The following EPC2 variants were observed in gnomAD, a reference collection of about 807,000 sequenced individuals.
EPC2 encodes the protein enhancer of polycomb homolog 2.
Under a neutral mutation model 92.1 loss-of-function variants are expected in EPC2, and 14 were observed. That is an observed-to-expected ratio of 0.15 (90% CI 0.10 to 0.24). The LOEUF is 0.24. Among genes scored for constraint, EPC2 ranks in the 10% least tolerant of loss-of-function variants. The probability of loss-of-function intolerance (pLI) is 1.00; values close to 1 mark genes in which losing one functional copy is unlikely to be tolerated. For missense variants in EPC2, 755 were observed against 971.5 expected (o/e 0.78, Z 2.96); for synonymous variants, 340 against 334.7 (o/e 1.02, Z -0.17).
intron 2 of EPC2, among the ~76,000 whole-genome samples, chr2:148,716,352 T>C (rs1372350176): frequency 6.6e-6 from 1 of 152,162 alleles, no homozygotes; most frequent in Non-Finnish European, 1.5e-5. Flanking sequence ...AGTATGTTAT[T>C]GGTGGGTTTG....
chr2:148,728,926 G>A (rs1682559114), intron 2 of EPC2, among the ~76,000 whole-genome samples: 1 of 151,126 alleles, frequency 6.6e-6, no homozygotes, highest in Non-Finnish European at 1.5e-5. Context: ...CAGCTACTCG[G>A]GAGGCTGAGG....
chr2:148,779,574 C>T (rs1683709443), intron 10 of EPC2, among the ~76,000 whole-genome samples: 1 of 152,158 alleles, frequency 6.6e-6, no homozygotes, highest in Admixed American at 6.6e-5. Flanking sequence ...TAGAGCAAGA[C>T]TCTGTCTCCA....
chr2:148,749,392 T>G (rs560051907), intron 3 of EPC2, among the ~76,000 whole-genome samples: 1 of 152,206 alleles, frequency 6.6e-6, no homozygotes, highest in East Asian at 1.9e-4. Flanking sequence ...AATAGAAACT[T>G]TGACTGATAC....
At chr2:148,669,284 T>TAAA (rs1306876564) in intron 1 of EPC2, among the ~76,000 whole-genome samples, 2 of 152,246 alleles carry the variant, frequency 1.3e-5, no homozygotes, top group African/African-American at 4.8e-5. Flanking sequence ...ATATTTTTAA[T>TAAA]GAGTCTCTTT....
At chr2:148,694,820 A>T (rs1005454360) in intron 2 of EPC2, among the ~76,000 whole-genome samples, 5 of 152,166 alleles carry the variant, frequency 3.3e-5, no homozygotes, top group African/African-American at 1.2e-4. Flanking sequence ...GCTGGAGTGC[A>T]GTGGTGCAAT....
intron 1 of EPC2, among the ~76,000 whole-genome samples, chr2:148,667,636 A>G (rs569653665): frequency 2.6e-5 from 4 of 152,072 alleles, no homozygotes; most frequent in Non-Finnish European, 5.9e-5. Context: ...TTGACTCCCC[A>G]CTGCCTTTCT....
At chr2:148,725,379 A>G (rs1219232020) in intron 2 of EPC2, among the ~76,000 whole-genome samples, 2 of 151,972 alleles carry the variant, frequency 1.3e-5, no homozygotes, top group Non-Finnish European at 2.9e-5. Context: ...TCTCTCTGTC[A>G]GCCTCTCTTT....
chr2:148,746,950 T>A (rs901859600), intron 3 of EPC2, among the ~76,000 whole-genome samples: 3 of 152,156 alleles, frequency 2.0e-5, no homozygotes, highest in Non-Finnish European at 4.4e-5. Flanking sequence ...CTTGTAAGTT[T>A]TCTAAATATT....
intron 1 of EPC2, among the ~76,000 whole-genome samples, chr2:148,678,650 A>G (rs1397911749): frequency 6.6e-6 from 1 of 152,256 alleles, no homozygotes; most frequent in Non-Finnish European, 1.5e-5. Flanking sequence ...CCGGGTGCTA[A>G]GCCCCTCATT....
At position 148,716,429 on chromosome 2, in the gene EPC2, A is replaced by G. The variant is rs2105387747; in HGVS notation, c.313+26056A>G. Reference sequence around the variant, plus strand: ...ACCTAGTTTATTGAGAGTTTCTAACATGAAGGGATGTTGAATTGTATTGAA... The same window carrying G: ...ACCTAGTTTATTGAGAGTTTCTAACGTGAAGGGATGTTGAATTGTATTGAA... On this transcript the variant is annotated intron_variant, in intron 2 of 13. Coordinates refer to ENST00000258484, the MANE Select transcript of EPC2 (RefSeq NM_015630.4). 1.3e-5 allele frequency among the ~76,000 whole-genome samples: 2 copies of G among 152,338 alleles called. 1 individual carries two copies. Among genetic ancestry groups the G allele is most frequent in the South Asian group, 4.1e-4 (2 of 4,828 alleles).
intron 11 of EPC2, among the ~76,000 whole-genome samples, chr2:148,782,764 T>TCTTC (rs869125864): frequency 2.0e-3 from 181 of 88,900 alleles, no homozygotes; most frequent in Non-Finnish European, 3.3e-3. Flanking sequence ...TAATAAATTT[T>TCTTC]TAAGCCACTA....
At chr2:148,717,733 G>A (rs917635197) in intron 2 of EPC2, among the ~76,000 whole-genome samples, 4 of 152,168 alleles carry the variant, frequency 2.6e-5, no homozygotes, top group Non-Finnish European at 4.4e-5. Flanking sequence ...TTGTTTTTGG[G>A]TGGAGAGTTC....
At chr2:148,655,184 C>T (rs1379313366) in intron 1 of EPC2, among the ~76,000 whole-genome samples, 7 of 152,214 alleles carry the variant, frequency 4.6e-5, no homozygotes, top group Non-Finnish European at 1.0e-4. Context: ...CATCTATCTT[C>T]TGCCCATTAA....
intron 2 of EPC2, among the ~76,000 whole-genome samples, chr2:148,709,216 C>T (rs1472217023): frequency 6.6e-6 from 1 of 152,026 alleles, no homozygotes; most frequent in Non-Finnish European, 1.5e-5. Context: ...CAAACAGAGG[C>T]CAAATCATGA....
chr2:148,787,086 TGGAATA>T lies in EPC2; in HGVS notation c.*714_*719del, dbSNP rs1683883007. 1 of 151,190 alleles carries T rather than the reference TGGAATA, an allele frequency of 6.6e-6. No homozygotes were observed. Among genetic ancestry groups the T allele is most frequent in the East Asian group, 2.0e-4 (1 of 5,040 alleles). 9.4% of individuals were successfully genotyped at this position (151,190 alleles called of 1,614,324 possible). ...ATAAAAAATAATTACACAGAAAAAATGGAATAGGAAAAATTATGCATCTAGCACATT... is the reference window on the plus strand; with the variant it reads ...ATAAAAAATAATTACACAGAAAAAATGGAAAAATTATGCATCTAGCACATT... On this transcript the variant is annotated 3_prime_UTR_variant, in exon 14 of 14. Coordinates refer to ENST00000258484, the MANE Select transcript of EPC2 (RefSeq NM_015630.4).
chr2:148,728,729 CT>C (rs753807146), intron 2 of EPC2, among the ~76,000 whole-genome samples: 39 of 144,204 alleles, frequency 2.7e-4, no homozygotes, highest in African/African-American at 8.4e-4. Context: ...GGCCTTTCCT[CT>C]TTTTTTTTTT....
At position 148,765,033 on chromosome 2, in the gene EPC2, G is replaced by A; in HGVS notation, c.1027G>A (p.Ala343Thr). 1 of 1,608,764 alleles carries A rather than the reference G, an allele frequency of 6.2e-7. No homozygotes were observed. The highest frequency in any genetic ancestry group is 8.5e-7 in the Non-Finnish European group (1 of 1,176,978). The change falls in exon 7 of 14, where the codon GCA becomes ACA. Residue 343 changes from alanine (A) to threonine (T), a missense_variant. By Grantham distance (58) the Ala-to-Thr change is moderately conservative. This residue lies in a region of EPC2 where 509 missense variants were observed against 607.7 expected (regional missense o/e 0.84). Transcript: ENST00000258484. ...GAAGAAGTACCCAAAGAAGCCTAAA[G>A]CAGAGGCTTTGATAACATCTCAGCA... ...QKKKYPKKPK[A>T]EALITSQQPT...
intron 2 of EPC2, among the ~76,000 whole-genome samples, chr2:148,732,422 G>A (rs990206242): frequency 1.4e-4 from 20 of 143,188 alleles, no homozygotes; most frequent in Non-Finnish European, 2.8e-4. Flanking sequence ...ATTCTGTTGC[G>A]TAGGCTAGAG....
intron 2 of EPC2, among the ~76,000 whole-genome samples, chr2:148,700,089 TGA>T (rs1681842851): frequency 1.3e-5 from 2 of 152,184 alleles, no homozygotes; most frequent in Admixed American, 6.5e-5. Flanking sequence ...GTTTTATTGT[TGA>T]GTTTTAAGTG....
Sources: gnomAD v4.1 joint callset for allele counts (sites outside exome capture counted in the v4.1 genomes callset) on GRCh38, gnomAD v4.1.1 for gene constraint, gnomAD v4.1.1 regional missense constraint, MANE v1.5 for transcripts, NCBI Gene and HGNC (gene_info 2026-07-23, HGNC 2026-07-21) for gene names.